The following MDFIC variants were observed in gnomAD, a reference collection of about 807,000 sequenced individuals.
MDFIC encodes myoD family inhibitor domain-containing protein.
MDFIC carries 17 observed loss-of-function variants against 23.2 expected under a neutral mutation model. The ratio of observed to expected loss-of-function variants is 0.73; its 90% CI spans 0.50 to 1.10. MDFIC has a LOEUF of 1.10. Ranked by LOEUF, MDFIC falls within the 50% of genes least tolerant of loss-of-function variation. MDFIC has a pLI of 0.00. For synonymous variants in MDFIC, 120 were observed against 115.2 expected, an observed-to-expected ratio of 1.04 and a Z score of -0.27; for missense variants, 356 against 316.6, an observed-to-expected ratio of 1.12 and a Z score of -0.95.
chr7:114,923,493 C>T, intron 2 of MDFIC: 2 of 1,537,892 alleles, frequency 1.3e-6, no homozygotes, highest in Non-Finnish European at 1.7e-6. Context: ...CCGCAGCTCT[C>T]TGAACAAGCG....
chr7:114,969,752 G>A (rs1298702501), intron 3 of MDFIC, among the ~76,000 whole-genome samples: 1 of 152,120 alleles, frequency 6.6e-6, no homozygotes, highest in African/African-American at 2.4e-5. Flanking sequence ...TCTACTTAAT[G>A]AGATCCAATG....
chr7:114,983,851 A>G (rs1204908513), intron 4 of MDFIC, among the ~76,000 whole-genome samples: 1 of 151,978 alleles, frequency 6.6e-6, no homozygotes, highest in East Asian at 1.9e-4. Context: ...TTTTTAAGCG[A>G]TGTTGATTCA....
chr7:114,930,737 C>G (rs939403889), intron 2 of MDFIC, among the ~76,000 whole-genome samples: 1 of 151,902 alleles, frequency 6.6e-6, no homozygotes, highest in African/African-American at 2.4e-5. Flanking sequence ...AGGCCATATG[C>G]AAATACAAAG....
chr7:114,985,454 T>C (rs1175238969), intron 4 of MDFIC, among the ~76,000 whole-genome samples: 1 of 152,000 alleles, frequency 6.6e-6, no homozygotes, highest in Non-Finnish European at 1.5e-5. Context: ...AGGATTTTGT[T>C]TTTCTTTTTT....
intron 3 of MDFIC, among the ~76,000 whole-genome samples, chr7:114,967,517 A>T (rs1255068400): frequency 3.9e-5 from 6 of 152,138 alleles, no homozygotes; most frequent in African/African-American, 1.4e-4. Context: ...TCATGATATA[A>T]AGCTGTGAAA....
At chr7:114,932,864 A>G (rs1792341924) in intron 2 of MDFIC, among the ~76,000 whole-genome samples, 1 of 152,246 alleles carries the variant, frequency 6.6e-6, no homozygotes, top group South Asian at 2.1e-4. Context: ...GAAGTCCCAG[A>G]ATTCAATTTC....
chr7:114,950,860 G>C (rs554524670), intron 3 of MDFIC, among the ~76,000 whole-genome samples: 4 of 152,236 alleles, frequency 2.6e-5, no homozygotes, highest in African/African-American at 9.6e-5. Flanking sequence ...TGGAATTTCA[G>C]ATGCCTCATT....
chr7:114,997,779 A>AAAAG, intron 4 of MDFIC, among the ~76,000 whole-genome samples: 1 of 151,520 alleles, frequency 6.6e-6, no homozygotes, highest in African/African-American at 2.4e-5. Flanking sequence ...AAAAGAAAAG[A>AAAAG]AAAGAAAGAA....
chr7:114,954,105 T>C (rs1420477564), intron 3 of MDFIC, among the ~76,000 whole-genome samples: 26 of 152,238 alleles, frequency 1.7e-4, no homozygotes, highest in Admixed American at 1.5e-3. Flanking sequence ...TCTTTAAGTC[T>C]AACAGCCGTA....
Position 114,962,264 on chromosome 7 carries a change from C to T in MDFIC, c.218-17242C>T, listed in dbSNP as rs574442575. Among the ~76,000 whole-genome samples the T allele has an allele frequency of 2.0e-5, 3 of 152,272 alleles. No individual in the cohort carries two copies. In the South Asian group the frequency reaches 6.2e-4, roughly 32 times the overall value. On this transcript the variant is annotated intron_variant, in intron 3 of 4. Transcript: ENST00000393486. ...AGTAAGTAGTTTGCCCAAGAATACT[C>T]AGATAGTGGCAGAACCGGAGCTGCA... is the stretch of plus-strand genomic sequence containing the variant.
At chr7:114,983,889 C>T (rs548775927) in intron 4 of MDFIC, among the ~76,000 whole-genome samples, 1 of 152,076 alleles carries the variant, frequency 6.6e-6, no homozygotes, top group African/African-American at 2.4e-5. Flanking sequence ...CTATGTGCTA[C>T]TTGCTTCTCT....
intron 3 of MDFIC, among the ~76,000 whole-genome samples, chr7:114,950,987 A>G (rs1023700749): frequency 2.0e-5 from 3 of 152,102 alleles, no homozygotes; most frequent in Admixed American, 6.5e-5. Flanking sequence ...AAGCCAGGGC[A>G]ATATAGTGAA....
chr7:114,972,698 G>A (rs1563145914), intron 3 of MDFIC, among the ~76,000 whole-genome samples: 2 of 152,064 alleles, frequency 1.3e-5, no homozygotes. Context: ...GCCTGATCAT[G>A]GTTCACTATA....
Position 115,018,000 on chromosome 7 carries a change from CTTAG to C in MDFIC, c.*2066_*2069del, listed in dbSNP as rs1791825204. ...ACTTAAAGGGCTTAAAAAGAAAAAACTTAGCAAACTTTTGAATCTTTCTTTTATT... is the reference window on the plus strand; with the variant it reads ...ACTTAAAGGGCTTAAAAAGAAAAAACCAAACTTTTGAATCTTTCTTTTATT... On this transcript the variant is annotated 3_prime_UTR_variant, in exon 5 of 5. Transcript: ENST00000393486. The C allele has an allele frequency of 6.6e-6, 1 of 151,830 alleles. No individual in the cohort carries two copies. Among genetic ancestry groups the C allele is most frequent in the Non-Finnish European group, 1.5e-5 (1 of 67,854 alleles). The allele number at this position is 151,830 out of a possible 1,614,324, so 9.4% of individuals were successfully genotyped here.
At chr7:114,949,963 G>A (rs1488115494) in intron 3 of MDFIC, among the ~76,000 whole-genome samples, 2 of 152,192 alleles carry the variant, frequency 1.3e-5, no homozygotes, top group Non-Finnish European at 2.9e-5. Flanking sequence ...GCCATTTTGA[G>A]GGGAGCTGGG....
chr7:114,997,703 G>A (rs1791364594), intron 4 of MDFIC, among the ~76,000 whole-genome samples: 1 of 151,038 alleles, frequency 6.6e-6, no homozygotes, highest in East Asian at 1.9e-4. Context: ...AGCTATGGTT[G>A]TGCCACTGCA....
intron 4 of MDFIC, among the ~76,000 whole-genome samples, chr7:114,998,960 C>T (rs551716594): frequency 2.8e-4 from 42 of 152,258 alleles, no homozygotes; most frequent in African/African-American, 9.6e-4. Context: ...AAGCCTGCCA[C>T]CTCCAGAGTT....
chr7:114,991,315 TG>T (rs1436194035), intron 4 of MDFIC, among the ~76,000 whole-genome samples: 1 of 152,184 alleles, frequency 6.6e-6, no homozygotes, highest in Non-Finnish European at 1.5e-5. Flanking sequence ...TTCACTCTGA[TG>T]GTAGTTTCTT....
intron 4 of MDFIC, among the ~76,000 whole-genome samples, chr7:115,010,472 G>A (rs185627628): frequency 3.1e-4 from 47 of 152,112 alleles, no homozygotes; most frequent in East Asian, 3.9e-4. Context: ...CTAATTTTTT[G>A]TTGTAATTTC....
Sources: gnomAD v4.1 joint callset for allele counts (sites outside exome capture counted in the v4.1 genomes callset) on GRCh38, gnomAD v4.1.1 for gene constraint, MANE v1.5 for transcripts, NCBI Gene and HGNC (gene_info 2026-07-23, HGNC 2026-07-21) for gene names.